The following RNF151 variants were observed in gnomAD, a reference collection of about 807,000 sequenced individuals.
The protein encoded by RNF151 is ring finger protein 151.
In RNF151, 9 loss-of-function variants were observed where a neutral mutation model predicts 11.1. The ratio of observed to expected loss-of-function variants is 0.81; its 90% CI spans 0.49 to 1.42. The LOEUF is 1.42. Ranked by LOEUF, RNF151 falls within the 40% of genes most tolerant of loss-of-function variation. The pLI is 0.00. For missense variants in RNF151, 372 were observed against 342.9 expected, an observed-to-expected ratio of 1.08 and a Z score of -0.67; for synonymous variants, 172 against 140.7, an observed-to-expected ratio of 1.22 and a Z score of -1.58.
chr16:1,967,156 T>C (rs114314659), intron 1 of RNF151, 118 bp from the exon 2 acceptor site: 52,342 of 1,361,144 alleles, frequency 0.038, 1,250 homozygotes, highest in African/African-American at 0.087. Context: ...GCCAACCCCT[T>C]TACTTGAAGT....
intron 3 of RNF151, 58 bp from the exon 4 acceptor site, chr16:1,968,376 G>A (rs2083329942): frequency 3.4e-6 from 5 of 1,459,590 alleles, no homozygotes; most frequent in African/African-American, 2.8e-5. Context: ...AAAGCCAGGG[G>A]TGGGGGATTC....
At chr16:1,968,343 G>C (rs941760649) in intron 3 of RNF151, 91 bp from the exon 4 acceptor site, 1 of 1,422,892 alleles carries the variant, frequency 7.0e-7, no homozygotes, top group African/African-American at 1.4e-5. Flanking sequence ...GAGGCTCCCG[G>C]TTCCCTGGTT....
In RNF151 at chr16:1,968,671, C is replaced by T. The variant is rs372116700; in HGVS notation, c.484C>T (p.Arg162Trp). 2.9e-5 allele frequency: 45 copies of T among 1,568,136 alleles called. No individual in the cohort carries two copies. Among genetic ancestry groups the T allele is most frequent in the Non-Finnish European group, 3.5e-5 (41 of 1,157,512 alleles). Residue 162 changes from arginine (R) to tryptophan (W), a missense_variant, in exon 4 of 4, where the codon CGG becomes TGG. Arg to Trp is a moderately radical substitution (Grantham distance 101). Coordinates refer to ENST00000569714, the MANE Select transcript of RNF151 (RefSeq NM_174903.6). ...CGAGCGTGCTCGCCACAACTGCTAC[C>T]GGGAGCTGCACAACGCCTGGAGCGT... The part of the protein sequence containing the change: ...PAERARHNCY[R>W]ELHNAWSVRQ...
At chr16:1,967,245 A>G in intron 1 of RNF151, 29 bp from the exon 2 acceptor site, 1 of 1,601,874 alleles carries the variant, frequency 6.2e-7, no homozygotes, top group South Asian at 1.1e-5. Flanking sequence ...TCACTGTCCC[A>G]GCCAGGTGCT....
chr16:1,967,508 A>C, intron 2 of RNF151, 89 bp downstream of exon 2: 1 of 1,264,784 alleles, frequency 7.9e-7, no homozygotes, highest in Non-Finnish European at 1.1e-6. Context: ...AGTCAGCCAA[A>C]AGACTCAGCC....
At chr16:1,968,245 T>C (rs1420342870) in intron 3 of RNF151, among the ~76,000 whole-genome samples, 189 bp from the exon 4 acceptor site, 1 of 152,066 alleles carries the variant, frequency 6.6e-6, no homozygotes, top group Non-Finnish European at 1.5e-5. Flanking sequence ...GGCCTCACCC[T>C]CTCCCCTGGA....
intron 3 of RNF151, 99 bp downstream of exon 3, chr16:1,967,920 G>A: frequency 1.1e-6 from 1 of 872,234 alleles, no homozygotes. Context: ...CATCTTCAGA[G>A]AGAAACAAGT....
At chr16:1,967,499 G>C in intron 2 of RNF151, 80 bp downstream of exon 2, 1 of 1,358,762 alleles carries the variant, frequency 7.4e-7, no homozygotes, top group Non-Finnish European at 1.0e-6. Flanking sequence ...AGAGGGGAAA[G>C]TCAGCCAAAA....
chr16:1,967,373 T>C lies in RNF151; in HGVS notation c.103T>C (p.Cys35Arg). The change falls in exon 2 of 4, where the codon TGC becomes CGC. Residue 35 changes from cysteine to arginine, a missense_variant. Coordinates refer to ENST00000569714, the MANE Select transcript of RNF151 (RefSeq NM_174903.6). Reference protein sequence around the residue: ...GVLKRPARLPCSHIFCKKCIL... With the variant: ...GVLKRPARLPRSHIFCKKCIL... The stretch of plus-strand genomic sequence containing the variant: ...TCTCAAGAGGCCAGCAAGGTTGCCA[T>C]GCAGCCACATCTTCTGCAAAAAGTG... The C allele has an allele frequency of 3.1e-6, 5 of 1,613,742 alleles. No homozygotes were observed. The highest frequency in any genetic ancestry group is 4.2e-6 in the Non-Finnish European group (5 of 1,179,856).
rs778386573 is a variant in RNF151 at position 1,968,830 on chromosome 16, G to T, written c.643G>T (p.Glu215Ter). The stretch of plus-strand genomic sequence containing the variant: ...CCTGGAGGAAGACACCGCTCTGCTG[G>T]AGGGTGCCCCACAGGAGGAGGCCGA... Reference protein sequence around the residue: ...NFLEEDTALLEGAPQEEAEAA... With the variant: ...NFLEEDTALL The change falls in exon 4 of 4, where the codon GAG becomes TAG. Residue 215 changes from glutamate to a stop codon, truncating the protein, a stop_gained. Coordinates refer to ENST00000569714, the MANE Select transcript of RNF151 (RefSeq NM_174903.6). LOFTEE classifies it low-confidence loss of function (END_TRUNC). 16 of 1,594,272 alleles carry T rather than the reference G, an allele frequency of 1.0e-5. No homozygotes were observed. The South Asian group carries it at 1.7e-4, about 17-fold the overall frequency.
chr16:1,966,941 C>T, intron 1 of RNF151, 57 bp downstream of exon 1: 2 of 1,531,010 alleles, frequency 1.3e-6, no homozygotes, highest in African/African-American at 1.4e-5. Flanking sequence ...CTCCAGAAAC[C>T]TGCCCAGTTG....
rs199952066 is a variant in RNF151 at position 1,968,558 on chromosome 16, G to T, written c.371G>T (p.Arg124Leu). ...GAGGGCTGCACCTCGCAGGTGCCGC[G>T]TGGGACCCTGGCAGAGCACCGGCAG... is the stretch of plus-strand genomic sequence containing the variant. ...PNEGCTSQVP[R>L]GTLAEHRQHC... Residue 124 changes from arginine (R) to leucine (L), a missense_variant, in exon 4 of 4, where the codon CGT (arginine) becomes CTT (leucine). Coordinates refer to ENST00000569714, the MANE Select transcript of RNF151 (RefSeq NM_174903.6). The T allele has an allele frequency of 6.2e-7, 1 of 1,608,014 alleles. No individual in the cohort carries two copies. The highest frequency in any genetic ancestry group is 1.1e-5 in the South Asian group (1 of 90,070).
intron 2 of RNF151, 75 bp from the exon 3 acceptor site, chr16:1,967,650 G>A: frequency 8.1e-7 from 1 of 1,240,720 alleles, no homozygotes; most frequent in South Asian, 1.3e-5. Flanking sequence ...GGGACCACCT[G>A]GGTCACCGAG....
chr16:1,966,889 G>T lies in RNF151; in HGVS notation c.3+5G>T. 6.4e-7 allele frequency: 1 copy of T among 1,574,418 alleles called. No homozygotes were observed. Among genetic ancestry groups the T allele is most frequent in the Non-Finnish European group, 8.6e-7 (1 of 1,156,268 alleles). On this transcript the variant is annotated splice_donor_5th_base_variant and intron_variant, in intron 1 of 3. Transcript: ENST00000569714. Reference sequence around the variant, plus strand: ...GCTGTCTAGACGCAGATCATGGTGAGCCTGGGGCCCTCTTGCTTCCAGCCC... The same window carrying T: ...GCTGTCTAGACGCAGATCATGGTGATCCTGGGGCCCTCTTGCTTCCAGCCC...
Position 1,968,470 on chromosome 16 carries a change from C to T in RNF151, c.283C>T (p.Pro95Ser), listed in dbSNP as rs1159033418. The change falls in exon 4 of 4, where the codon CCC becomes TCC. Residue 95 changes from proline (P) to serine (S), a missense_variant. By Grantham distance (74) the Pro-to-Ser change is moderately conservative. Transcript: ENST00000569714. The part of the protein sequence containing the change: ...NADAGCIVTC[P>S]LAHRKGHQDS... ...CGACGCTGGCTGCATAGTGACATGC[C>T]CCCTGGCCCATCGCAAGGGGCACCA... The T allele has an allele frequency of 1.3e-6, 2 of 1,585,888 alleles. No individual in the cohort carries two copies. Among genetic ancestry groups the T allele is most frequent in the Non-Finnish European group, 1.7e-6 (2 of 1,163,038 alleles).
chr16:1,967,822 G>T lies in RNF151; in HGVS notation c.246+1G>T. Reference sequence around the variant, plus strand: ...AACCATTGGCCGCCTGGAAGTCAAGGTAGCTCAAAGTACCCACTCCCCTGA... The same window carrying T: ...AACCATTGGCCGCCTGGAAGTCAAGTTAGCTCAAAGTACCCACTCCCCTGA... On this transcript the variant is annotated splice_donor_variant, in intron 3 of 3. Transcript: ENST00000569714. LOFTEE classifies it high-confidence loss of function. 6.3e-7 allele frequency: 1 copy of T among 1,599,062 alleles called. No individual in the cohort carries two copies. Among genetic ancestry groups the T allele is most frequent in the African/African-American group, 1.3e-5 (1 of 74,756 alleles).
chr16:1,967,799 C>G lies in RNF151; in HGVS notation c.224C>G (p.Thr75Ser). ...KVVHMNKLRK[T>S]IGRLEVKCKN... ...GTCCACATGAATAAACTCCGGAAAACCATTGGCCGCCTGGAAGTCAAGGTA... is the reference window on the plus strand; with the variant it reads ...GTCCACATGAATAAACTCCGGAAAAGCATTGGCCGCCTGGAAGTCAAGGTA... Residue 75 changes from threonine (T) to serine (S), a missense_variant, in exon 3 of 4, where the codon ACC (threonine) becomes AGC (serine). By Grantham distance (58) the Thr-to-Ser change is moderately conservative (BLOSUM62 1). Coordinates refer to ENST00000569714, the MANE Select transcript of RNF151 (RefSeq NM_174903.6). 1 of 1,609,996 alleles carries G rather than the reference C, an allele frequency of 6.2e-7. No individual in the cohort carries two copies. The highest frequency in any genetic ancestry group is 8.5e-7 in the Non-Finnish European group (1 of 1,178,108).
At chr16:1,967,250 G>C (rs1020035750) in intron 1 of RNF151, 24 bp from the exon 2 acceptor site, 1 of 1,606,570 alleles carries the variant, frequency 6.2e-7, no homozygotes, top group Admixed American at 1.7e-5. Flanking sequence ...GTCCCAGCCA[G>C]GTGCTGACAC....
chr16:1,967,751 AAG>A lies in RNF151; in HGVS notation c.179_180del (p.Glu60GlyfsTer11). 1 of 1,612,034 alleles carries A rather than the reference AAG, an allele frequency of 6.2e-7. No individual in the cohort carries two copies. The highest frequency in any genetic ancestry group is 8.5e-7 in the Non-Finnish European group (1 of 1,179,144). ...CAAAAGACCTGTCCGTGCTGTAGGA[AAG>A]AGGTGAAAAGGAAAAAGGTTGTCCA... On this transcript the variant is annotated frameshift_variant, in exon 3 of 4. Coordinates refer to ENST00000569714, the MANE Select transcript of RNF151 (RefSeq NM_174903.6). LOFTEE classifies it high-confidence loss of function.
Sources: allele counts gnomAD v4.1 joint callset (sites outside exome capture counted in the v4.1 genomes callset), GRCh38; gene constraint gnomAD v4.1.1; transcripts MANE v1.5; gene names NCBI Gene and HGNC (gene_info 2026-07-23, HGNC 2026-07-21).